The following BCR variants were observed in gnomAD, a reference collection of about 807,000 sequenced individuals.
BCR encodes the protein BCR activator of RhoGEF and GTPase.
In BCR, 58 loss-of-function variants were observed where a neutral mutation model predicts 138.6. That is an observed-to-expected ratio of 0.42 (90% CI 0.34 to 0.52). BCR has a LOEUF of 0.52. Ranked by LOEUF, BCR falls within the 20% of genes least tolerant of loss-of-function variation. BCR has a pLI of 0.06. For synonymous variants in BCR, 786 were observed against 730.1 expected (o/e 1.08, Z -1.23); for missense variants, 1,599 against 1,727.2 (o/e 0.93, Z 1.32).
At position 23,223,807 on chromosome 22, in the gene BCR, T is replaced by TG. The variant is rs111953310; in HGVS notation, c.1280-29986dup. ...CCGCCTCTCCTCCTGCCATTGACAGTGGGGGGCTTTGATTGCTGTCCCCCC... is the reference window on the plus strand; with the variant it reads ...CCGCCTCTCCTCCTGCCATTGACAGTGGGGGGGCTTTGATTGCTGTCCCCCC... On this transcript the variant is annotated intron_variant, in intron 1 of 22. Coordinates refer to ENST00000305877, the MANE Select transcript of BCR (RefSeq NM_004327.4). 2.3e-3 allele frequency among the ~76,000 whole-genome samples: 353 copies of TG among 152,292 alleles called. 2 individuals carry two copies. Among genetic ancestry groups the TG allele is most frequent in the African/African-American group, 6.7e-3 (277 of 41,552 alleles).
At position 23,313,034 on chromosome 22, in the gene BCR, G is replaced by A. The variant is rs773771226; in HGVS notation, c.3457+13G>A. The A allele has an allele frequency of 9.5e-5, 148 of 1,552,716 alleles. No homozygotes were observed. The highest frequency in any genetic ancestry group is 3.7e-5 in the Non-Finnish European group (43 of 1,153,306). Reference sequence around the variant, plus strand: ...GCAGAGGGCATCGGTGAGCACTGGAGGCCTTGGCCTCATGGGAGACGTCTC... The same window carrying A: ...GCAGAGGGCATCGGTGAGCACTGGAAGCCTTGGCCTCATGGGAGACGTCTC... On this transcript the variant is annotated intron_variant, in intron 20 of 22. Transcript: ENST00000305877.
intron 1 of BCR, among the ~76,000 whole-genome samples, chr22:23,218,678 T>TA (rs1188223363): frequency 6.6e-6 from 1 of 152,098 alleles, no homozygotes; most frequent in Non-Finnish European, 1.5e-5. Context: ...AAGCCACAAG[T>TA]GACTGGACAG....
chr22:23,231,506 C>CATAAAATAAAATAAAGTAAA (rs2072958008), intron 1 of BCR, among the ~76,000 whole-genome samples: 1 of 128,798 alleles, frequency 7.8e-6, no homozygotes, highest in East Asian at 2.3e-4. Context: ...GACCCCGTCT[C>CATAAAATAAAATAAAGTAAA]ATAAAATAAA....
chr22:23,194,334 G>GT (rs1317400779), intron 1 of BCR, among the ~76,000 whole-genome samples: 3 of 151,990 alleles, frequency 2.0e-5, no homozygotes, highest in Non-Finnish European at 4.4e-5. Context: ...CAGGCTGGGC[G>GT]TGGTGGCTCA....
intron 4 of BCR, among the ~76,000 whole-genome samples, chr22:23,262,285 C>T (rs927284920): frequency 1.3e-5 from 2 of 152,244 alleles, no homozygotes; most frequent in Non-Finnish European, 2.9e-5. Flanking sequence ...TCTGGACTAC[C>T]GAGACACACA....
chr22:23,295,491 C>T (rs1238569598), intron 16 of BCR, among the ~76,000 whole-genome samples: 2 of 152,140 alleles, frequency 1.3e-5, no homozygotes, highest in Non-Finnish European at 1.5e-5. Flanking sequence ...TGAAATTGGC[C>T]CATCCTGTGC....
intron 1 of BCR, among the ~76,000 whole-genome samples, chr22:23,185,770 C>T (rs2072334503): frequency 6.7e-6 from 1 of 149,948 alleles, no homozygotes; most frequent in Non-Finnish European, 1.5e-5. Context: ...GCTCTGTCGC[C>T]CAGGCTGGAG....
intron 2 of BCR, among the ~76,000 whole-genome samples, chr22:23,258,253 A>G (rs1216680186): frequency 6.8e-6 from 1 of 146,152 alleles, no homozygotes; most frequent in African/African-American, 2.4e-5. Context: ...CAGGGCAAAA[A>G]GGTGGCCCAG....
Position 23,253,847 on chromosome 22 carries a change from C to T in BCR, c.1328C>T (p.Ala443Val), listed in dbSNP as rs1244976763. ...PPGYGCAADR[A>V]EEQRRHQDGL... ...GGATACGGCTGCGCTGCAGACCGGG[C>T]AGAGGAGCAGCGCCGGCACCAAGAT... Residue 443 changes from alanine to valine, a missense_variant, in exon 2 of 23, where the codon GCA becomes GTA. Physicochemically the swap from Ala to Val is moderately conservative, Grantham distance 64. Transcript: ENST00000305877. 1 of 1,613,122 alleles carries T rather than the reference C, an allele frequency of 6.2e-7. No homozygotes were observed.
intron 3 of BCR, 47 bp from the exon 4 acceptor site, chr22:23,261,308 A>G (rs1358291557): frequency 1.3e-6 from 2 of 1,571,930 alleles, no homozygotes; most frequent in Non-Finnish European, 1.7e-6. Context: ...CACCTGACGG[A>G]TGGCAGCCCC....
chr22:23,301,225 G>A (rs867390000), intron 16 of BCR, among the ~76,000 whole-genome samples: 1 of 152,268 alleles, frequency 6.6e-6, no homozygotes, highest in African/African-American at 2.4e-5. Context: ...AGAATTGCTT[G>A]AACCAGGGAG....
intron 2 of BCR, among the ~76,000 whole-genome samples, chr22:23,259,533 T>C (rs1458967513): frequency 1.3e-5 from 2 of 151,288 alleles, no homozygotes; most frequent in Admixed American, 1.3e-4. Context: ...TTTTTTTTTT[T>C]GAGATGGAGT....
chr22:23,209,544 T>TTTTTATTTTA (rs371375678), intron 1 of BCR, among the ~76,000 whole-genome samples: 11 of 151,376 alleles, frequency 7.3e-5, no homozygotes, highest in Admixed American at 2.0e-4. Context: ...TATTTATTCA[T>TTTTTATTTTA]TTTTATTTTA....
At chr22:23,298,314 A>AG (rs141984583) in intron 16 of BCR, among the ~76,000 whole-genome samples, 4 of 152,314 alleles carry the variant, frequency 2.6e-5, no homozygotes, top group African/African-American at 9.6e-5. Flanking sequence ...TAGCAAGGGC[A>AG]GGGGGTTCTG....
At chr22:23,278,733 CAA>C (rs567063864) in intron 8 of BCR, among the ~76,000 whole-genome samples, 1 of 150,488 alleles carries the variant, frequency 6.6e-6, no homozygotes, top group Non-Finnish European at 1.5e-5. Flanking sequence ...AATTCCGTCT[CAA>C]AAAAAAAGAG....
intron 1 of BCR, among the ~76,000 whole-genome samples, chr22:23,246,886 C>G (rs1156873215): frequency 6.6e-6 from 1 of 151,912 alleles, no homozygotes; most frequent in African/African-American, 2.4e-5. Flanking sequence ...TAGCCAGCTT[C>G]GGAGCCCCCA....
intron 16 of BCR, among the ~76,000 whole-genome samples, chr22:23,298,853 C>T (rs536475088): frequency 6.6e-6 from 1 of 152,352 alleles, no homozygotes; most frequent in East Asian, 1.9e-4. Context: ...CCGCCTTGGC[C>T]TCCCAAAGTG....
chr22:23,238,620 C>T (rs2073052304), intron 1 of BCR, among the ~76,000 whole-genome samples: 1 of 152,114 alleles, frequency 6.6e-6, no homozygotes, highest in Non-Finnish European at 1.5e-5. Flanking sequence ...TTCGAGGCAG[C>T]ACTTCTGGCC....
intron 4 of BCR, chr22:23,264,235 C>T (rs1160650136): frequency 9.9e-6 from 10 of 1,014,492 alleles, no homozygotes; most frequent in South Asian, 5.1e-5. Flanking sequence ...AGGGCCTGCC[C>T]GCACACCTTC....
Sources: gnomAD v4.1 joint callset for allele counts (sites outside exome capture counted in the v4.1 genomes callset) on GRCh38, gnomAD v4.1.1 for gene constraint, MANE v1.5 for transcripts, NCBI Gene and HGNC (gene_info 2026-07-23, HGNC 2026-07-21) for gene names.